Variants in NAA25 observed in about 807,000 individuals in gnomAD.
NAA25 encodes N-alpha-acetyltransferase 25, NatB auxiliary subunit.
A neutral mutation model predicts 132.5 loss-of-function variants in NAA25; 30 were observed. The observed-to-expected ratio is 0.23, with a 90% CI of 0.17 to 0.31. The LOEUF (loss-of-function observed/expected upper bound fraction) is 0.31, where lower values mean the gene tolerates loss of function less well. Ranked by LOEUF, NAA25 falls within the 10% of genes least tolerant of loss-of-function variation. NAA25 has a pLI of 1.00. For missense variants in NAA25, 771 were observed against 1,150.4 expected (o/e 0.67, Z 4.77); for synonymous variants, 359 against 401.9 (o/e 0.89, Z 1.28).
chr12:112,087,910 G>T, intron 3 of NAA25, 109 bp from the exon 4 acceptor site: 1 of 704,930 alleles, frequency 1.4e-6, no homozygotes, highest in Non-Finnish European at 2.4e-6. Flanking sequence ...TATAGAAGAA[G>T]TATCTGCTTT....
At chr12:112,096,893 T>C (rs1332364810) in intron 1 of NAA25, among the ~76,000 whole-genome samples, 1 of 152,226 alleles carries the variant, frequency 6.6e-6, no homozygotes, top group African/African-American at 2.4e-5. Context: ...ACATCTTTGA[T>C]GAGACCCATC....
chr12:112,054,207 T>C (rs969997170), intron 14 of NAA25, among the ~76,000 whole-genome samples, 181 bp downstream of exon 14: 1 of 152,214 alleles, frequency 6.6e-6, no homozygotes, highest in African/African-American at 2.4e-5. Context: ...GTGCAAATTT[T>C]CAAATTACCA....
rs183748691 is a variant in NAA25 at position 112,057,049 on chromosome 12, G to A, written c.1448-2481C>T. Among the ~76,000 whole-genome samples the A allele has an allele frequency of 2.0e-3, 298 of 152,108 alleles. 6 individuals carry two copies. Among genetic ancestry groups the A allele is most frequent in the East Asian group, 4.4e-3 (23 of 5,172 alleles). On this transcript the variant is annotated intron_variant, in intron 13 of 23. Coordinates refer to ENST00000261745, the MANE Select transcript of NAA25 (RefSeq NM_024953.4). ...CTAAAAATACAAAAATTAGCCAGGC[G>A]TGGTGGTGCGCGCCTGTAATCCCAG...
chr12:112,036,198 C>T (rs2078222271), intron 22 of NAA25, among the ~76,000 whole-genome samples: 1 of 152,064 alleles, frequency 6.6e-6, no homozygotes, highest in Non-Finnish European at 1.5e-5. Context: ...AAACTGAATA[C>T]AAATGGAAAT....
intron 10 of NAA25, 43 bp downstream of exon 10, chr12:112,071,852 T>G: frequency 6.6e-7 from 1 of 1,521,270 alleles, no homozygotes; most frequent in South Asian, 1.2e-5. Context: ...CACTTGGGTA[T>G]TAAGGGCATT....
intron 11 of NAA25, among the ~76,000 whole-genome samples, chr12:112,067,610 T>C (rs1173192401): frequency 6.6e-6 from 1 of 151,812 alleles, no homozygotes; most frequent in African/African-American, 2.4e-5. Flanking sequence ...CTCAGGAGGC[T>C]GAGGCACGAG....
At chr12:112,048,542 GT>G in intron 15 of NAA25, 99 bp from the exon 16 acceptor site, 1 of 995,450 alleles carries the variant, frequency 1.0e-6, no homozygotes, top group South Asian at 1.6e-5. Context: ...CTAAAATTAA[GT>G]TTTAAATCTA....
rs2078113040 is a variant in NAA25 at position 112,028,712 on chromosome 12, T to C, written c.*819A>G. 1 of 152,122 alleles carries C rather than the reference T, an allele frequency of 6.6e-6. No homozygotes were observed. The highest frequency in any genetic ancestry group is 1.5e-5 in the Non-Finnish European group (1 of 68,016). The allele number at this position is 152,122 out of a possible 1,614,324, so 9.4% of individuals were successfully genotyped here. On this transcript the variant is annotated 3_prime_UTR_variant, in exon 24 of 24. Transcript: ENST00000261745. ...CTTGCCTGCATAAATTATGTGCACC[T>C]CTCTTCTTTGAAACAGTCATTCCTA...
intron 10 of NAA25, 133 bp from the exon 11 acceptor site, chr12:112,069,125 T>A (rs2078764456): frequency 1.6e-6 from 1 of 611,632 alleles, no homozygotes; most frequent in African/African-American, 1.9e-5. Flanking sequence ...AGATAGCGGG[T>A]TATCTCAACT....
chr12:112,107,607 GACTA>G (rs1326821305), intron 1 of NAA25, among the ~76,000 whole-genome samples: 3 of 151,888 alleles, frequency 2.0e-5, no homozygotes, highest in African/African-American at 7.3e-5. Context: ...ATAAAAGCCG[GACTA>G]ACTGTGGCCA....
chr12:112,080,278 CAAA>C (rs762037242), intron 5 of NAA25, among the ~76,000 whole-genome samples: 6 of 51,174 alleles, frequency 1.2e-4, no homozygotes, highest in East Asian at 3.8e-4. Flanking sequence ...GACTCTGTCT[CAAA>C]AAAAAAAAAA....
intron 11 of NAA25, among the ~76,000 whole-genome samples, chr12:112,067,526 T>C (rs894194840): frequency 3.3e-5 from 5 of 151,714 alleles, no homozygotes; most frequent in African/African-American, 1.2e-4. Context: ...CTGGCAAACA[T>C]GGCAAAACCC....
chr12:112,105,472 G>C (rs972303945), intron 1 of NAA25, among the ~76,000 whole-genome samples: 1 of 152,164 alleles, frequency 6.6e-6, no homozygotes, highest in Admixed American at 6.5e-5. Context: ...AACGAAAAAT[G>C]CAATACCCAA....
intron 4 of NAA25, among the ~76,000 whole-genome samples, chr12:112,084,606 T>G (rs868158659): frequency 2.0e-5 from 3 of 151,472 alleles, no homozygotes; most frequent in Non-Finnish European, 2.9e-5. Context: ...CTGGCCAGCA[T>G]GGTGAAACCC....
At chr12:112,055,416 T>G (rs1259709540) in intron 13 of NAA25, among the ~76,000 whole-genome samples, 4 of 152,150 alleles carry the variant, frequency 2.6e-5, no homozygotes, top group African/African-American at 9.7e-5. Context: ...AAATGTTAGC[T>G]GGACATGGTG....
chr12:112,051,134 T>C (rs1485326498), intron 15 of NAA25, among the ~76,000 whole-genome samples: 4 of 152,206 alleles, frequency 2.6e-5, no homozygotes, highest in Non-Finnish European at 4.4e-5. Context: ...GCCTTAGATT[T>C]CTTTAGGAAA....
chr12:112,081,560 T>C (rs1490322389), intron 4 of NAA25, among the ~76,000 whole-genome samples: 1 of 152,186 alleles, frequency 6.6e-6, no homozygotes, highest in Non-Finnish European at 1.5e-5. Flanking sequence ...CATGCCATAA[T>C]TCAAAAATTC....
At chr12:112,039,417 A>G in intron 21 of NAA25, 78 bp from the exon 22 acceptor site, 1 of 804,242 alleles carries the variant, frequency 1.2e-6, no homozygotes, top group East Asian at 2.5e-5. Flanking sequence ...CAATGGATTC[A>G]ACAAATTCTA....
chr12:112,095,214 G>C (rs1180612760), intron 1 of NAA25, among the ~76,000 whole-genome samples: 5 of 151,910 alleles, frequency 3.3e-5, no homozygotes, highest in Admixed American at 6.6e-5. Flanking sequence ...GAGGCGGGCG[G>C]ATCACGAGGT....
Sources: allele counts gnomAD v4.1 joint callset (sites outside exome capture counted in the v4.1 genomes callset), GRCh38; gene constraint gnomAD v4.1.1; transcripts MANE v1.5; gene names NCBI Gene and HGNC (gene_info 2026-07-23, HGNC 2026-07-21).